Variants in LHFPL6 observed in about 807,000 individuals in gnomAD.
The protein encoded by LHFPL6 is LHFPL tetraspan subfamily member 6 protein.
Under a neutral mutation model 20.6 loss-of-function variants are expected in LHFPL6, and 9 were observed. The ratio of observed to expected loss-of-function variants is 0.44; its 90% confidence interval spans 0.26 to 0.76. LHFPL6 has a LOEUF of 0.76. LHFPL6 is among the 30% of genes least tolerant of loss of function. LHFPL6 has a pLI of 0.20. For synonymous variants in LHFPL6, 105 were observed against 98.7 expected (o/e 1.06, Z -0.38); for missense variants, 218 against 253.5 (o/e 0.86, Z 0.95).
At chr13:39,376,297 C>T (rs1870292127) in intron 3 of LHFPL6, among the ~76,000 whole-genome samples, 1 of 152,148 alleles carries the variant, frequency 6.6e-6, no homozygotes, top group African/African-American at 2.4e-5. Flanking sequence ...CCCCTAGACA[C>T]AGTTTGCTTT....
At position 39,577,638 on chromosome 13, in the gene LHFPL6, A is replaced by AT. The variant is rs997560940; in HGVS notation, c.385+23193dup. On this transcript the variant is annotated intron_variant, in intron 2 of 3. Transcript: ENST00000379589. The stretch of plus-strand genomic sequence containing the variant: ...TTATGAGTATCTTTCCAACAACTCA[A>AT]TTTTTTTTTTTAAGACAGAGTCTCA... Among the ~76,000 whole-genome samples the AT allele has an allele frequency of 8.2e-3, 1,209 of 147,864 alleles. 17 individuals are homozygous for AT. The highest frequency in any genetic ancestry group is 0.028 in the African/African-American group (1,128 of 40,492).
At chr13:39,406,061 G>GA (rs2138382862) in intron 2 of LHFPL6, among the ~76,000 whole-genome samples, 1 of 152,286 alleles carries the variant, frequency 6.6e-6, no homozygotes, top group African/African-American at 2.4e-5. Context: ...GGATGAATGA[G>GA]AAAATGAATA....
In LHFPL6 at chr13:39,541,033, T is replaced by A. The variant is rs760862619; in HGVS notation, c.385+59799A>T. On this transcript the variant is annotated intron_variant, in intron 2 of 3. Coordinates refer to ENST00000379589, the MANE Select transcript of LHFPL6 (RefSeq NM_005780.3). ...AATTATACTAGACATATACTTTCTA[T>A]ACAAGAGAAGTAAGCCTGACAAGAT... Among the ~76,000 whole-genome samples the A allele has an allele frequency of 4.1e-4, 63 of 152,220 alleles. 1 individual carries two copies. The highest frequency in any genetic ancestry group is 2.4e-4 in the Non-Finnish European group (16 of 68,042).
intron 2 of LHFPL6, among the ~76,000 whole-genome samples, chr13:39,571,664 C>A (rs1871919811): frequency 6.6e-6 from 1 of 152,262 alleles, no homozygotes; most frequent in Admixed American, 6.5e-5. Flanking sequence ...CGGCCCTTTG[C>A]CCTTGACGGC....
chr13:39,352,933 ATATGTGTG>A (rs58040702), intron 3 of LHFPL6, among the ~76,000 whole-genome samples: 3 of 57,976 alleles, frequency 5.2e-5, no homozygotes, highest in African/African-American at 1.2e-4. Context: ...AAATGTATAT[ATATGTGTG>A]TATATATATA....
intron 3 of LHFPL6, among the ~76,000 whole-genome samples, chr13:39,348,707 C>G (rs550641792): frequency 6.6e-6 from 1 of 152,242 alleles, no homozygotes; most frequent in South Asian, 2.1e-4. Context: ...AAGTTTCTAC[C>G]ATTGTCAGAA....
At chr13:39,475,385 A>C (rs1288194535) in intron 2 of LHFPL6, among the ~76,000 whole-genome samples, 1 of 152,206 alleles carries the variant, frequency 6.6e-6, no homozygotes, top group East Asian at 1.9e-4. Context: ...TAGTAACAAA[A>C]AATTGAGGTA....
intron 2 of LHFPL6, among the ~76,000 whole-genome samples, chr13:39,447,224 C>T (rs528163547): frequency 6.6e-6 from 1 of 152,320 alleles, no homozygotes; most frequent in African/African-American, 2.4e-5. Flanking sequence ...GATCAATATG[C>T]ACTGAATTTG....
At chr13:39,594,805 C>A (rs1001164908) in intron 2 of LHFPL6, among the ~76,000 whole-genome samples, 4 of 152,090 alleles carry the variant, frequency 2.6e-5, no homozygotes, top group African/African-American at 4.8e-5. Context: ...TGATGAGTTC[C>A]TGTCCTTTGT....
chr13:39,594,885 C>T (rs1872720342), intron 2 of LHFPL6, among the ~76,000 whole-genome samples: 1 of 152,106 alleles, frequency 6.6e-6, no homozygotes, highest in South Asian at 2.1e-4. Context: ...CCAAACACCG[C>T]ATGTTCTCAC....
chr13:39,598,504 G>A (rs1448619215), intron 2 of LHFPL6, among the ~76,000 whole-genome samples: 1 of 151,986 alleles, frequency 6.6e-6, no homozygotes, highest in East Asian at 1.9e-4. Context: ...AAATATTTTT[G>A]AGAAATTAGA....
chr13:39,529,843 CGGAT>C (rs1870409070), intron 2 of LHFPL6, among the ~76,000 whole-genome samples: 2 of 151,924 alleles, frequency 1.3e-5, no homozygotes, highest in South Asian at 2.1e-4. Flanking sequence ...AGGAAACACA[CGGAT>C]AAAGTAATCA....
At chr13:39,414,446 T>C (rs1871301498) in intron 2 of LHFPL6, among the ~76,000 whole-genome samples, 1 of 152,216 alleles carries the variant, frequency 6.6e-6, no homozygotes. Flanking sequence ...AAATTTATTT[T>C]ATAATACCAC....
chr13:39,558,682 A>C (rs1373062985), intron 2 of LHFPL6, among the ~76,000 whole-genome samples: 1 of 152,212 alleles, frequency 6.6e-6, no homozygotes, highest in Non-Finnish European at 1.5e-5. Flanking sequence ...TATAAAATAA[A>C]ATCAGGGATA....
At chr13:39,387,438 T>C (rs756816430) in intron 2 of LHFPL6, among the ~76,000 whole-genome samples, 3 of 146,118 alleles carry the variant, frequency 2.1e-5, no homozygotes, top group Non-Finnish European at 4.4e-5. Flanking sequence ...TCTCAGCTAC[T>C]GAGGAAGCTG....
intron 2 of LHFPL6, among the ~76,000 whole-genome samples, chr13:39,491,386 C>T (rs1868921523): frequency 1.3e-5 from 2 of 152,116 alleles, no homozygotes; most frequent in African/African-American, 4.8e-5. Context: ...GGAATGGTTG[C>T]AACTAGCTGA....
At chr13:39,578,391 C>A (rs750400593) in intron 2 of LHFPL6, among the ~76,000 whole-genome samples, 2 of 152,120 alleles carry the variant, frequency 1.3e-5, no homozygotes, top group Admixed American at 6.6e-5. Context: ...ATAAGAAAAT[C>A]GTCTTTTGAA....
intron 2 of LHFPL6, among the ~76,000 whole-genome samples, chr13:39,510,872 ATT>A (rs71245386): frequency 8.0e-5 from 12 of 150,558 alleles, no homozygotes; most frequent in South Asian, 2.1e-4. Context: ...ATTACTTTAA[ATT>A]TTTTTTTTTT....
intron 2 of LHFPL6, among the ~76,000 whole-genome samples, chr13:39,573,703 T>C (rs768589838): frequency 1.3e-5 from 2 of 152,006 alleles, no homozygotes; most frequent in Non-Finnish European, 2.9e-5. Flanking sequence ...TAATCTTGCA[T>C]CTAGGAAAAA....
Sources: allele counts gnomAD v4.1 joint callset (sites outside exome capture counted in the v4.1 genomes callset), GRCh38; gene constraint gnomAD v4.1.1; transcripts MANE v1.5; gene names NCBI Gene and HGNC (gene_info 2026-07-23, HGNC 2026-07-21).